ARHGAP39: variants seen among roughly 807,000 people sequenced by gnomAD.
The protein encoded by ARHGAP39 is Rho GTPase activating protein 39, also known as rho GTPase-activating protein 39.
Under a neutral mutation model 106.9 loss-of-function variants are expected in ARHGAP39, and 44 were observed. The ratio of observed to expected loss-of-function variants is 0.41; its 90% CI spans 0.32 to 0.53. ARHGAP39 has a LOEUF of 0.53. Among genes scored for constraint, ARHGAP39 ranks in the 20% least tolerant of loss-of-function variants. ARHGAP39 has a pLI of 0.21. For missense variants in ARHGAP39, 1,496 were observed against 1,577.3 expected, an observed-to-expected ratio of 0.95 and a Z score of 0.87; for synonymous variants, 768 against 693.2, an observed-to-expected ratio of 1.11 and a Z score of -1.69.
Position 144,562,305 on chromosome 8 carries a change from GGCTCCAGTGGTTTCCATCAC to G in ARHGAP39, c.513-6682_513-6663del, listed in dbSNP as rs1271122039. On this transcript the variant is annotated intron_variant, in intron 3 of 11. Transcript: ENST00000377307. Reference sequence around the variant, plus strand: ...CATCGTGCTCCAGTGGTTTCCATCGGGCTCCAGTGGTTTCCATCACGCTCCAGTGGTTTCCATCACGCTCC... The same window carrying G: ...CATCGTGCTCCAGTGGTTTCCATCGGGCTCCAGTGGTTTCCATCACGCTCC... 7.1e-3 allele frequency among the ~76,000 whole-genome samples: 439 copies of G among 61,466 alleles called. 6 individuals are homozygous for G. The highest frequency in any genetic ancestry group is 0.018 in the Middle Eastern group (1 of 56). 40.3% of individuals were successfully genotyped at this position (61,466 alleles called of 152,430 possible). A position where few individuals can be genotyped will look rare whatever the true frequency, so the allele number is the denominator to read the frequency against.
chr8:144,587,401 C>T (rs1819219187), intron 2 of ARHGAP39, among the ~76,000 whole-genome samples: 1 of 152,156 alleles, frequency 6.6e-6, no homozygotes, highest in Non-Finnish European at 1.5e-5. Flanking sequence ...AGATGAGTTT[C>T]TACAGAGGAA....
intron 1 of ARHGAP39, among the ~76,000 whole-genome samples, chr8:144,643,395 G>C (rs142790040): frequency 6.6e-6 from 1 of 152,198 alleles, no homozygotes; most frequent in African/African-American, 2.4e-5. Flanking sequence ...AGAGGTTGCA[G>C]TGAGCTGTGA....
At chr8:144,569,253 T>C (rs1818505910) in intron 3 of ARHGAP39, among the ~76,000 whole-genome samples, 1 of 152,176 alleles carries the variant, frequency 6.6e-6, no homozygotes, top group African/African-American at 2.4e-5. Context: ...GAGCACATAA[T>C]CCTAAATGTT....
chr8:144,549,079 C>G (rs1369417322), intron 4 of ARHGAP39, among the ~76,000 whole-genome samples: 1 of 152,254 alleles, frequency 6.6e-6, no homozygotes, highest in Non-Finnish European at 1.5e-5. Flanking sequence ...ACCAGAGTCC[C>G]CGGAGTCACG....
intron 2 of ARHGAP39, among the ~76,000 whole-genome samples, chr8:144,592,405 C>T (rs1279999051): frequency 2.5e-5 from 3 of 119,016 alleles, no homozygotes; most frequent in African/African-American, 1.0e-4. Flanking sequence ...CCCAGACCCT[C>T]GGGGAACCTG....
chr8:144,580,977 G>C lies in ARHGAP39; in HGVS notation c.381C>G (p.Gly127=), dbSNP rs751698713. Reference sequence around the variant, plus strand: ...TGCTGCCCTCACGGCTGACGCTGCTGCCGCGCCCGGGGCTGCTCTCCGCCG... The same window carrying C: ...TGCTGCCCTCACGGCTGACGCTGCTCCCGCGCCCGGGGCTGCTCTCCGCCG... ...RASAESSPGR[G]SSVSREGSTS... is the part of the protein sequence containing the mutation. The change falls in exon 3 of 12, where the codon GGC becomes GGG. Residue 127 remains glycine (G), a synonymous_variant. Transcript: ENST00000377307. 6.3e-6 allele frequency: 10 copies of C among 1,599,194 alleles called. No individual in the cohort carries two copies. In the African/African-American group the frequency reaches 1.2e-4, roughly 19 times the overall value.
intron 1 of ARHGAP39, among the ~76,000 whole-genome samples, chr8:144,619,675 C>T (rs568855426): frequency 4.1e-5 from 6 of 146,282 alleles, no homozygotes; most frequent in South Asian, 2.2e-4. Context: ...CCTGAGAGCA[C>T]GTATGCCTGT....
At chr8:144,545,853 G>A (rs1187280278) in intron 5 of ARHGAP39, 43 bp from the exon 6 acceptor site, 3 of 1,451,048 alleles carry the variant, frequency 2.1e-6, no homozygotes, top group East Asian at 4.8e-5. Flanking sequence ...GGTGGGGGAG[G>A]GCCAGGCAGG....
At chr8:144,551,575 C>T (rs1348889461) in intron 4 of ARHGAP39, among the ~76,000 whole-genome samples, 3 of 152,196 alleles carry the variant, frequency 2.0e-5, no homozygotes, top group East Asian at 1.9e-4. Context: ...CGCCCCACGG[C>T]GCCCAGAGTG....
At chr8:144,595,856 C>T (rs1003588487) in intron 2 of ARHGAP39, among the ~76,000 whole-genome samples, 5 of 152,212 alleles carry the variant, frequency 3.3e-5, no homozygotes, top group African/African-American at 9.7e-5. Flanking sequence ...GTGTCCCTCC[C>T]GCCGCGCCGC....
In ARHGAP39 at chr8:144,591,486, G is replaced by A. The variant is rs1819392731; in HGVS notation, c.81-10209C>T. 6.6e-6 allele frequency among the ~76,000 whole-genome samples: 1 copy of A among 152,158 alleles called. No individual in the cohort carries two copies. The highest frequency in any genetic ancestry group is 2.4e-5 in the African/African-American group (1 of 41,452). ...CTAATTCAGGTGAACGGACCCTGAA[G>A]AAGGACTTGTTTGCATCCCCTTCCA... is the stretch of plus-strand genomic sequence containing the variant. On this transcript the variant is annotated intron_variant, in intron 2 of 11. Transcript: ENST00000377307. The surrounding 1 kb of genome is among the most constrained non-coding windows in gnomAD (Gnocchi z 5.3).
intron 2 of ARHGAP39, among the ~76,000 whole-genome samples, chr8:144,605,198 C>T (rs1238572805): frequency 6.6e-6 from 1 of 152,200 alleles, no homozygotes; most frequent in Non-Finnish European, 1.5e-5. Flanking sequence ...GAGTTCAAGG[C>T]TGCAGTGAGC....
Position 144,547,863 on chromosome 8 carries a change from G to C in ARHGAP39, c.1223C>G (p.Pro408Arg). 1 of 1,586,446 alleles carries C rather than the reference G, an allele frequency of 6.3e-7. No homozygotes were observed. Among genetic ancestry groups the C allele is most frequent in the Non-Finnish European group, 8.6e-7 (1 of 1,167,088 alleles). ...GTGCCGCGGGCCGGCGCGCAGCTTGGGGCTGGAGCCCGCCTGCTCCACGTA... is the reference window on the plus strand; with the variant it reads ...GTGCCGCGGGCCGGCGCGCAGCTTGCGGCTGGAGCCCGCCTGCTCCACGTA... ...LVYVEQAGSS[P>R]KLRAGPRHKY... Residue 408 changes from proline (P) to arginine (R), a missense_variant, in exon 5 of 12, where the codon CCC (proline) becomes CGC (arginine). This residue lies in a region of ARHGAP39 where 905 missense variants were observed against 816.4 expected (regional missense o/e 1.11). Transcript: ENST00000377307. This position sits in a 1 kb window ranked among gnomAD's most constrained non-coding sequence, Gnocchi z 5.2.
intron 3 of ARHGAP39, among the ~76,000 whole-genome samples, chr8:144,575,114 A>G (rs1324073667): frequency 6.6e-6 from 1 of 152,212 alleles, no homozygotes; most frequent in Non-Finnish European, 1.5e-5. Flanking sequence ...CAGTAAAAAT[A>G]TGGTATAAAA....
chr8:144,538,805 A>G (rs1817068518), intron 6 of ARHGAP39, among the ~76,000 whole-genome samples: 1 of 151,808 alleles, frequency 6.6e-6, no homozygotes, highest in Non-Finnish European at 1.5e-5. Context: ...TCTTGACCTC[A>G]AATGATCCAC....
intron 2 of ARHGAP39, among the ~76,000 whole-genome samples, chr8:144,593,102 G>A (rs192684085): frequency 2.6e-5 from 4 of 152,336 alleles, no homozygotes; most frequent in South Asian, 2.1e-4. Context: ...GGTACCCGGC[G>A]GGATGGGCCT....
At chr8:144,660,979 C>T (rs2129683862) in intron 1 of ARHGAP39, among the ~76,000 whole-genome samples, 1 of 151,358 alleles carries the variant, frequency 6.6e-6, no homozygotes, top group South Asian at 2.1e-4. Context: ...AATGAGACTC[C>T]ATCTCAAAAA....
intron 3 of ARHGAP39, among the ~76,000 whole-genome samples, chr8:144,561,271 G>C (rs996661324): frequency 7.5e-6 from 1 of 133,876 alleles, no homozygotes; most frequent in African/African-American, 4.0e-5. Context: ...GACCCCAGTG[G>C]TTTCCATCAC....
chr8:144,568,332 T>TCAA (rs1818475457), intron 3 of ARHGAP39, among the ~76,000 whole-genome samples: 1 of 5,148 alleles, frequency 1.9e-4, no homozygotes, highest in Non-Finnish European at 1.1e-3. Context: ...AGACTCTGTC[T>TCAA]CAAAAAAAAA....
Sources: allele counts gnomAD v4.1 joint callset (sites outside exome capture counted in the v4.1 genomes callset), GRCh38; gene constraint gnomAD v4.1.1; regional missense constraint gnomAD v4.1.1; non-coding constraint Gnocchi (gnomAD v3.1); transcripts MANE v1.5; gene names NCBI Gene and HGNC (gene_info 2026-07-23, HGNC 2026-07-21).